Variants in ZNF385B observed in about 807,000 individuals in gnomAD.
ZNF385B encodes the protein zinc finger protein 533.
Under a neutral mutation model 39.2 loss-of-function variants are expected in ZNF385B, and 23 were observed. The ratio of observed to expected loss-of-function variants is 0.59; its 90% CI spans 0.42 to 0.83. The LOEUF (loss-of-function observed/expected upper bound fraction) is 0.83. Ranked by LOEUF, ZNF385B falls within the 40% of genes least tolerant of loss-of-function variation. ZNF385B has a pLI of 0.00. For missense variants in ZNF385B, 552 were observed against 598.9 expected, an observed-to-expected ratio of 0.92 and a Z score of 0.82; for synonymous variants, 205 against 222.6, an observed-to-expected ratio of 0.92 and a Z score of 0.70.
At chr2:179,792,578 T>C (rs1705408548) in intron 1 of ZNF385B, among the ~76,000 whole-genome samples, 1 of 152,184 alleles carries the variant, frequency 6.6e-6, no homozygotes, top group African/African-American at 2.4e-5. Flanking sequence ...TTTCACCATG[T>C]TGGCCAGGCT....
At chr2:179,711,217 C>T (rs1039661656) in intron 3 of ZNF385B, among the ~76,000 whole-genome samples, 8 of 152,218 alleles carry the variant, frequency 5.3e-5, no homozygotes, top group Non-Finnish European at 8.8e-5. Context: ...CCAAGCCATG[C>T]AGGCCCTAGG....
intron 5 of ZNF385B, among the ~76,000 whole-genome samples, chr2:179,516,028 T>A (rs1156668523): frequency 2.0e-5 from 3 of 152,198 alleles, no homozygotes; most frequent in African/African-American, 7.2e-5. Flanking sequence ...TGGCATATAG[T>A]CTTTGTGTCT....
intron 3 of ZNF385B, among the ~76,000 whole-genome samples, chr2:179,713,475 G>A (rs548400121): frequency 2.0e-4 from 30 of 152,010 alleles, no homozygotes; most frequent in Middle Eastern, 6.8e-3. Context: ...TTTCCTCTCT[G>A]ACCACTATAA....
At chr2:179,748,376 C>T (rs1463246737) in intron 3 of ZNF385B, among the ~76,000 whole-genome samples, 1 of 151,970 alleles carries the variant, frequency 6.6e-6, no homozygotes, top group African/African-American at 2.4e-5. Flanking sequence ...TTTTAGCAAC[C>T]TACCTTAATT....
intron 6 of ZNF385B, among the ~76,000 whole-genome samples, chr2:179,462,735 A>C (rs1042127541): frequency 2.6e-5 from 4 of 152,206 alleles, no homozygotes; most frequent in Non-Finnish European, 4.4e-5. Context: ...TTTGTAGTGT[A>C]ATGGGACTAC....
At chr2:179,537,303 CAA>C (rs34677912) in intron 4 of ZNF385B, among the ~76,000 whole-genome samples, 72 of 103,668 alleles carry the variant, frequency 6.9e-4, no homozygotes, top group Non-Finnish European at 9.8e-4. Flanking sequence ...ACCTCTGTCT[CAA>C]AAAAAAAAAA....
At chr2:179,493,324 T>C (rs1450874066) in intron 5 of ZNF385B, among the ~76,000 whole-genome samples, 1 of 151,864 alleles carries the variant, frequency 6.6e-6, no homozygotes, top group African/African-American at 2.4e-5. Flanking sequence ...GGCATGTATA[T>C]GTGTACATAT....
intron 4 of ZNF385B, among the ~76,000 whole-genome samples, chr2:179,540,490 C>CA (rs1246819133): frequency 1.3e-5 from 2 of 149,046 alleles, no homozygotes; most frequent in Admixed American, 6.7e-5. Context: ...ACAACAACAA[C>CA]AACAACAAAA....
Position 179,676,550 on chromosome 2 carries a change from G to A in ZNF385B, c.298+92953C>T, listed in dbSNP as rs535507680. 2.6e-5 allele frequency among the ~76,000 whole-genome samples: 4 copies of A among 152,320 alleles called. No individual in the cohort carries two copies. In the South Asian group the frequency reaches 8.3e-4, roughly 32 times the overall value. On this transcript the variant is annotated intron_variant, in intron 3 of 9. Coordinates refer to ENST00000410066, the MANE Select transcript of ZNF385B (RefSeq NM_152520.6). ...AAGGGAGTAACATGATGAGATTTGA[G>A]TTCTGAAAAGATCATTCTGGCTACA...
chr2:179,496,264 G>A (rs2056192580), intron 5 of ZNF385B, among the ~76,000 whole-genome samples: 1 of 152,008 alleles, frequency 6.6e-6, no homozygotes, highest in Non-Finnish European at 1.5e-5. Context: ...GCTTGAAAAT[G>A]GGCTATTTGA....
intron 3 of ZNF385B, among the ~76,000 whole-genome samples, chr2:179,613,194 C>T (rs917238061): frequency 3.3e-5 from 5 of 152,182 alleles, no homozygotes; most frequent in African/African-American, 7.2e-5. Flanking sequence ...AACCCTGGAA[C>T]TGAGGACCCA....
At chr2:179,677,225 A>G (rs912277442) in intron 3 of ZNF385B, among the ~76,000 whole-genome samples, 2 of 152,226 alleles carry the variant, frequency 1.3e-5, no homozygotes, top group Non-Finnish European at 2.9e-5. Context: ...AATTTAGTTT[A>G]TACTCTTAGT....
chr2:179,699,242 A>G (rs192045311), intron 3 of ZNF385B, among the ~76,000 whole-genome samples: 1 of 152,234 alleles, frequency 6.6e-6, no homozygotes, highest in African/African-American at 2.4e-5. Context: ...CATTTTCTCA[A>G]ACTGAAACTC....
At chr2:179,562,647 A>G (rs892809488) in intron 3 of ZNF385B, 8 of 929,096 alleles carry the variant, frequency 8.6e-6, no homozygotes, top group Admixed American at 1.2e-4. Flanking sequence ...TTCTGATGAC[A>G]CAGAACCAAA....
At chr2:179,682,216 C>A (rs1366560128) in intron 3 of ZNF385B, among the ~76,000 whole-genome samples, 1 of 152,164 alleles carries the variant, frequency 6.6e-6, no homozygotes, top group Non-Finnish European at 1.5e-5. Flanking sequence ...TCTTCCCCAC[C>A]TTCCCCTTTC....
chr2:179,576,167 C>A (rs1171983290), intron 3 of ZNF385B: 18 of 985,436 alleles, frequency 1.8e-5, no homozygotes, highest in Non-Finnish European at 2.2e-5. Flanking sequence ...TGACTTCTGT[C>A]CTAGTTCAGA....
intron 3 of ZNF385B, among the ~76,000 whole-genome samples, chr2:179,696,676 A>C (rs1175756426): frequency 6.6e-6 from 1 of 152,110 alleles, no homozygotes; most frequent in African/African-American, 2.4e-5. Flanking sequence ...GAGTACACAC[A>C]AATCCAGGTT....
intron 3 of ZNF385B, among the ~76,000 whole-genome samples, chr2:179,722,053 T>C (rs1026910744): frequency 6.6e-6 from 1 of 152,120 alleles, no homozygotes; most frequent in Admixed American, 6.5e-5. Context: ...TGCCTCTCTA[T>C]GTATTAACAA....
At chr2:179,810,158 CTA>C (rs1268205344) in intron 1 of ZNF385B, among the ~76,000 whole-genome samples, 1 of 151,506 alleles carries the variant, frequency 6.6e-6, no homozygotes, top group Non-Finnish European at 1.5e-5. Flanking sequence ...TCATCTGAAA[CTA>C]TATATCAAAT....
Sources: allele counts gnomAD v4.1 joint callset (sites outside exome capture counted in the v4.1 genomes callset), GRCh38; gene constraint gnomAD v4.1.1; transcripts MANE v1.5; gene names NCBI Gene and HGNC (gene_info 2026-07-23, HGNC 2026-07-21).